The following ZNF354B variants were observed in gnomAD, a reference collection of about 807,000 sequenced individuals.
ZNF354B encodes zinc finger protein 354B.
ZNF354B carries 10 observed loss-of-function variants against 12.9 expected under a neutral mutation model. The observed-to-expected ratio is 0.77, with a 90% CI of 0.48 to 1.31. The LOEUF is 1.31. Ranked by LOEUF, ZNF354B falls within the 40% of genes most tolerant of loss-of-function variation. ZNF354B has a pLI of 0.00. For missense variants in ZNF354B, 614 were observed against 711.7 expected (o/e 0.86, Z 1.56); for synonymous variants, 260 against 243.7 (o/e 1.07, Z -0.62).
At chr5:178,871,195 CT>C (rs752410772) in intron 4 of ZNF354B, among the ~76,000 whole-genome samples, 14 of 152,188 alleles carry the variant, frequency 9.2e-5, no homozygotes, top group Non-Finnish European at 1.9e-4. Context: ...CCTACATGGT[CT>C]GGCCCTGGCT....
chr5:178,881,756 G>A (rs1041670184), intron 4 of ZNF354B, among the ~76,000 whole-genome samples: 3 of 152,068 alleles, frequency 2.0e-5, no homozygotes, highest in African/African-American at 7.2e-5. Flanking sequence ...CAATTCTCCT[G>A]CCTCTGCCTC....
chr5:178,869,545 A>G (rs1438681789), intron 4 of ZNF354B, among the ~76,000 whole-genome samples: 3 of 151,706 alleles, frequency 2.0e-5, no homozygotes, highest in Non-Finnish European at 4.4e-5. Context: ...AGAAAGAAAG[A>G]GTTGTTCCCT....
At chr5:178,864,783 C>T (rs1278028282) in intron 2 of ZNF354B, among the ~76,000 whole-genome samples, 8 of 151,962 alleles carry the variant, frequency 5.3e-5, no homozygotes, top group Admixed American at 1.3e-4. Context: ...CCACCACGCC[C>T]GGCTAATTTT....
chr5:178,873,516 C>G (rs1757592443), intron 4 of ZNF354B, among the ~76,000 whole-genome samples: 1 of 152,298 alleles, frequency 6.6e-6, no homozygotes, highest in African/African-American at 2.4e-5. Flanking sequence ...GTTGCTCCAT[C>G]ATTATTTGTT....
At position 178,883,923 on chromosome 5, in the gene ZNF354B, G is replaced by A. The variant is rs1188800003; in HGVS notation, c.1471G>A (p.Glu491Lys). 1 of 1,614,068 alleles carries A rather than the reference G, an allele frequency of 6.2e-7. No homozygotes were observed. The change falls in exon 5 of 5, where the codon GAA becomes AAA. Residue 491 changes from glutamate to lysine, a missense_variant. By Grantham distance (56) the Glu-to-Lys change is moderately conservative. Transcript: ENST00000322434. The part of the protein sequence containing the change: ...LIQHQRMHTG[E>K]RPYKCNECDK... ...TCAACATCAGAGAATGCATACTGGA[G>A]AAAGACCCTATAAGTGTAACGAATG...
chr5:178,879,021 T>C (rs1388621167), intron 4 of ZNF354B, among the ~76,000 whole-genome samples: 1 of 150,642 alleles, frequency 6.6e-6, no homozygotes. Context: ...TTTTAAAGTA[T>C]ATATTTTTTA....
At chr5:178,862,803 T>C (rs1382779430) in intron 2 of ZNF354B, among the ~76,000 whole-genome samples, 1 of 152,246 alleles carries the variant, frequency 6.6e-6, no homozygotes. Context: ...GCTGCTCTCC[T>C]GACTAGAACC....
At chr5:178,880,198 T>TTTTC (rs199697791) in intron 4 of ZNF354B, among the ~76,000 whole-genome samples, 1 of 151,514 alleles carries the variant, frequency 6.6e-6, no homozygotes, top group African/African-American at 2.4e-5. Flanking sequence ...CTTTTTTTCC[T>TTTTC]TTTCTTTCTT....
chr5:178,877,361 G>T (rs534916654), intron 4 of ZNF354B, among the ~76,000 whole-genome samples: 68 of 152,154 alleles, frequency 4.5e-4, no homozygotes, highest in Non-Finnish European at 8.2e-4. Flanking sequence ...GTAGAGACAG[G>T]ATTTCCCCAT....
Position 178,884,228 on chromosome 5 carries a change from C to G in ZNF354B, c.1776C>G (p.Ser592=), listed in dbSNP as rs749238105. The G allele has an allele frequency of 6.2e-7, 1 of 1,610,142 alleles. No homozygotes were observed. The highest frequency in any genetic ancestry group is 8.5e-7 in the Non-Finnish European group (1 of 1,178,434). ...GGAAACTCTTTAGCCAGAGGTCATCCCTTACTAATCATTATAAAATTCACA... is the reference window on the plus strand; with the variant it reads ...GGAAACTCTTTAGCCAGAGGTCATCGCTTACTAATCATTATAAAATTCACA... ...ACGKLFSQRS[S]LTNHYKIHIE... The change falls in exon 5 of 5, where the codon TCC becomes TCG. Residue 592 remains serine (S), a synonymous_variant. Transcript: ENST00000322434.
intron 4 of ZNF354B, among the ~76,000 whole-genome samples, chr5:178,876,217 G>A (rs1038633054): frequency 4.6e-5 from 7 of 152,218 alleles, no homozygotes; most frequent in African/African-American, 1.4e-4. Context: ...CTTGATGGTT[G>A]TGCTGGAGTC....
At chr5:178,873,509 G>A (rs911537586) in intron 4 of ZNF354B, among the ~76,000 whole-genome samples, 2 of 152,124 alleles carry the variant, frequency 1.3e-5, no homozygotes, top group Non-Finnish European at 2.9e-5. Flanking sequence ...ATCTTCAGTT[G>A]CTCCATCATT....
intron 4 of ZNF354B, among the ~76,000 whole-genome samples, chr5:178,880,728 C>T (rs965884098): frequency 1.3e-5 from 2 of 151,424 alleles, no homozygotes; most frequent in Admixed American, 6.6e-5. Flanking sequence ...CTCCTAGGCT[C>T]AAGGGATCCT....
At chr5:178,881,884 T>A (rs6863603) in intron 4 of ZNF354B, among the ~76,000 whole-genome samples, 22,587 of 152,232 alleles carry the variant, frequency 0.15, 2,056 homozygotes, top group African/African-American at 0.25. Flanking sequence ...CTGGACTTTT[T>A]AATATTATCT....
chr5:178,870,224 C>G (rs1757540372), intron 4 of ZNF354B, among the ~76,000 whole-genome samples: 1 of 152,152 alleles, frequency 6.6e-6, no homozygotes, highest in South Asian at 2.1e-4. Flanking sequence ...AAAACTTATG[C>G]TCCCCATGAT....
At chr5:178,872,970 T>G (rs995080006) in intron 4 of ZNF354B, among the ~76,000 whole-genome samples, 1 of 152,072 alleles carries the variant, frequency 6.6e-6, no homozygotes, top group African/African-American at 2.4e-5. Context: ...GCATTTTTAG[T>G]AGAGACAGGG....
intron 2 of ZNF354B, among the ~76,000 whole-genome samples, chr5:178,861,925 G>C (rs1298806279): frequency 6.6e-6 from 1 of 152,192 alleles, no homozygotes; most frequent in Admixed American, 6.5e-5. Flanking sequence ...AAAGTGTTCG[G>C]ATCAGGGCTG....
chr5:178,867,112 A>G, intron 4 of ZNF354B, 41 bp downstream of exon 4: 1 of 1,560,046 alleles, frequency 6.4e-7, no homozygotes, highest in Non-Finnish European at 8.8e-7. Flanking sequence ...GGCCGCAGAC[A>G]ATGGTCTGGT....
chr5:178,874,372 A>T (rs1757606572), intron 4 of ZNF354B, among the ~76,000 whole-genome samples: 1 of 152,114 alleles, frequency 6.6e-6, no homozygotes, highest in East Asian at 1.9e-4. Flanking sequence ...TCTTTCAGGG[A>T]TGGCAATGAG....
Sources: allele counts gnomAD v4.1 joint callset (sites outside exome capture counted in the v4.1 genomes callset), GRCh38; gene constraint gnomAD v4.1.1; transcripts MANE v1.5; gene names NCBI Gene and HGNC (gene_info 2026-07-23, HGNC 2026-07-21).